GRID1: variants seen among roughly 807,000 people sequenced by gnomAD.
GRID1 encodes glutamate receptor ionotropic, delta-1.
A neutral mutation model predicts 98.0 loss-of-function variants in GRID1; 28 were observed. The ratio of observed to expected loss-of-function variants is 0.29; its 90% CI spans 0.21 to 0.39. The LOEUF (loss-of-function observed/expected upper bound fraction) is 0.39. Ranked by LOEUF, GRID1 falls within the 10% of genes least tolerant of loss-of-function variation. The pLI is 1.00. For missense variants in GRID1, 1,111 were observed against 1,340.5 expected (o/e 0.83, Z 2.67); for synonymous variants, 553 against 538.5 (o/e 1.03, Z -0.37).
chr10:86,046,932 C>A (rs1843433116), intron 4 of GRID1, among the ~76,000 whole-genome samples: 1 of 151,664 alleles, frequency 6.6e-6, no homozygotes, highest in Non-Finnish European at 1.5e-5. Flanking sequence ...AGTGGGGATA[C>A]CACCTAGGTC....
At chr10:85,666,194 C>T (rs34566931) in intron 12 of GRID1, among the ~76,000 whole-genome samples, 4,629 of 152,242 alleles carry the variant, frequency 0.03, 117 homozygotes, top group Non-Finnish European at 0.049. Flanking sequence ...TAGAGTGGTG[C>T]CATTTTATAG....
At chr10:86,324,956 A>T (rs1182714989) in intron 2 of GRID1, among the ~76,000 whole-genome samples, 4 of 152,196 alleles carry the variant, frequency 2.6e-5, no homozygotes, top group Non-Finnish European at 5.9e-5. Context: ...TTCAAGGTGG[A>T]AGCACTCAAA....
intron 4 of GRID1, among the ~76,000 whole-genome samples, chr10:85,990,767 A>T (rs1842670360): frequency 6.6e-6 from 1 of 152,152 alleles, no homozygotes; most frequent in African/African-American, 2.4e-5. Flanking sequence ...GTTGAATGGA[A>T]CACCTTTGAG....
At chr10:86,337,020 G>GTT (rs58117114) in intron 2 of GRID1, among the ~76,000 whole-genome samples, 2 of 146,730 alleles carry the variant, frequency 1.4e-5, no homozygotes, top group African/African-American at 2.5e-5. Context: ...GTTTTTTGCA[G>GTT]TTTTTTTTTT....
intron 2 of GRID1, among the ~76,000 whole-genome samples, chr10:86,234,365 G>A (rs1846502674): frequency 6.6e-6 from 1 of 152,166 alleles, no homozygotes; most frequent in Admixed American, 6.5e-5. Flanking sequence ...GCTCCCCAGT[G>A]GAGCCAAAAG....
At chr10:85,901,322 T>C (rs1841383843) in intron 5 of GRID1, among the ~76,000 whole-genome samples, 1 of 152,104 alleles carries the variant, frequency 6.6e-6, no homozygotes, top group African/African-American at 2.4e-5. Context: ...CTTGGCTTAC[T>C]GCCAAGCTCT....
intron 2 of GRID1, among the ~76,000 whole-genome samples, chr10:86,292,768 CG>C (rs1189725906): frequency 1.7e-4 from 26 of 150,868 alleles, no homozygotes; most frequent in African/African-American, 6.1e-4. Context: ...GTGAGTGTGA[CG>C]GTGTCTGTGG....
intron 2 of GRID1, among the ~76,000 whole-genome samples, chr10:86,279,781 C>A (rs910658978): frequency 1.3e-5 from 2 of 152,130 alleles, no homozygotes; most frequent in African/African-American, 2.4e-5. Flanking sequence ...TAAAAATCAT[C>A]CAAATTGGGA....
chr10:86,151,200 G>A (rs1207530981), intron 3 of GRID1, among the ~76,000 whole-genome samples: 1 of 152,154 alleles, frequency 6.6e-6, no homozygotes, highest in Non-Finnish European at 1.5e-5. Flanking sequence ...GGGAAGGGAT[G>A]AGAAGGAGGC....
intron 9 of GRID1, 109 bp downstream of exon 9, chr10:85,729,404 T>TTTTCACATGAA: frequency 1.6e-6 from 1 of 636,496 alleles, no homozygotes; most frequent in Non-Finnish European, 2.9e-6. Context: ...AAGCTCACAA[T>TTTTCACATGAA]ACTCCTCAAG....
At chr10:86,276,543 C>T (rs1264531044) in intron 2 of GRID1, among the ~76,000 whole-genome samples, 1 of 151,096 alleles carries the variant, frequency 6.6e-6, no homozygotes, top group Non-Finnish European at 1.5e-5. Flanking sequence ...CACTTTGTCA[C>T]CCAGGCTGGA....
intron 12 of GRID1, among the ~76,000 whole-genome samples, chr10:85,701,254 T>A (rs1029875394): frequency 8.5e-5 from 13 of 152,098 alleles, no homozygotes; most frequent in African/African-American, 3.1e-4. Flanking sequence ...TTCAGAGCAG[T>A]AACAACGGAA....
chr10:85,963,360 C>T (rs1317524707), intron 4 of GRID1, among the ~76,000 whole-genome samples: 1 of 152,146 alleles, frequency 6.6e-6, no homozygotes, highest in East Asian at 1.9e-4. Flanking sequence ...ACCTCTCTGC[C>T]AAGTTAAGAA....
intron 3 of GRID1, among the ~76,000 whole-genome samples, chr10:86,161,618 T>C (rs1412229071): frequency 6.6e-6 from 1 of 151,606 alleles, no homozygotes; most frequent in Non-Finnish European, 1.5e-5. Flanking sequence ...CTTGAGGGAG[T>C]CTCCAGGAGG....
intron 8 of GRID1, among the ~76,000 whole-genome samples, chr10:85,789,832 T>G (rs1026030898): frequency 2.6e-5 from 4 of 152,152 alleles, no homozygotes; most frequent in African/African-American, 9.7e-5. Context: ...TCTCATTCAA[T>G]GCAAACCTAC....
At chr10:85,888,238 T>C (rs1443064422) in intron 5 of GRID1, among the ~76,000 whole-genome samples, 5 of 152,200 alleles carry the variant, frequency 3.3e-5, no homozygotes, top group Non-Finnish European at 5.9e-5. Context: ...TGCCCAGCAT[T>C]CAGCTAGCAG....
intron 6 of GRID1, among the ~76,000 whole-genome samples, chr10:85,858,527 C>A (rs1843135335): frequency 6.6e-6 from 1 of 152,284 alleles, no homozygotes; most frequent in African/African-American, 2.4e-5. Context: ...CCCTCAGGAG[C>A]CCCCACCACT....
intron 2 of GRID1, among the ~76,000 whole-genome samples, chr10:86,311,043 G>A (rs1204254199): frequency 6.6e-6 from 1 of 152,076 alleles, no homozygotes; most frequent in African/African-American, 2.4e-5. Flanking sequence ...GAGGGGCAGT[G>A]AGGACAAGGA....
chr10:85,619,378 TAA>T (rs1842830985), intron 14 of GRID1, among the ~76,000 whole-genome samples: 1 of 152,244 alleles, frequency 6.6e-6, no homozygotes, highest in South Asian at 2.1e-4. Flanking sequence ...TCTACTTTTT[TAA>T]AGTCTCCACA....
Sources: allele counts gnomAD v4.1 joint callset (sites outside exome capture counted in the v4.1 genomes callset), GRCh38; gene constraint gnomAD v4.1.1; transcripts MANE v1.5; gene names NCBI Gene and HGNC (gene_info 2026-07-23, HGNC 2026-07-21).